Variants in NSA2 observed in about 807,000 individuals in gnomAD.
NSA2 encodes the protein NSA2 ribosome biogenesis factor, also known as ribosome biogenesis protein NSA2 homolog.
NSA2 carries 18 observed loss-of-function variants against 34.8 expected under a neutral mutation model. That is an observed-to-expected ratio of 0.52 (90% CI 0.36 to 0.77). NSA2 has a LOEUF of 0.77. NSA2 is among the 30% of genes least tolerant of loss of function. The pLI is 0.00. For missense variants in NSA2, 188 were observed against 314.7 expected (o/e 0.60, Z 3.05); for synonymous variants, 79 against 100.2 (o/e 0.79, Z 1.26).
At position 74,779,577 on chromosome 5, in the gene NSA2, T is replaced by C. The variant is rs1745307035; in HGVS notation, c.*2906T>C. ...TGACAGAAGTTTCTCATAAAATGTA[T>C]AAAACAGCATAAATGTTTGGTAGAT... On this transcript the variant is annotated 3_prime_UTR_variant, in exon 6 of 6. Transcript: ENST00000610426. The C allele has an allele frequency of 6.6e-6, 1 of 151,878 alleles. No individual in the cohort carries two copies. Among genetic ancestry groups the C allele is most frequent in the African/African-American group, 2.4e-5 (1 of 41,386 alleles). The allele number at this position is 151,878 out of a possible 1,614,324, so 9.4% of individuals were successfully genotyped here. A position where few individuals can be genotyped will look rare whatever the true frequency, so the allele number is the denominator to read the frequency against.
Position 74,778,158 on chromosome 5 carries a change from G to T in NSA2, c.*1487G>T, listed in dbSNP as rs1745216217. ...AAAATACTATCTTGTAAGGTACAAAGAAAGCTTGATATTAAGTATGAAAAC... is the reference window on the plus strand; with the variant it reads ...AAAATACTATCTTGTAAGGTACAAATAAAGCTTGATATTAAGTATGAAAAC... On this transcript the variant is annotated 3_prime_UTR_variant, in exon 6 of 6. Coordinates refer to ENST00000610426, the MANE Select transcript of NSA2 (RefSeq NM_014886.6). 6.6e-6 allele frequency: 1 copy of T among 151,936 alleles called. No individual in the cohort carries two copies. Among genetic ancestry groups the T allele is most frequent in the Admixed American group, 6.6e-5 (1 of 15,248 alleles). The allele number at this position is 151,936 out of a possible 1,614,324, so 9.4% of individuals were successfully genotyped here. A position where few individuals can be genotyped will look rare whatever the true frequency, so the allele number is the denominator to read the frequency against.
chr5:74,772,347 C>T (rs1442106243), intron 4 of NSA2, among the ~76,000 whole-genome samples: 3 of 152,008 alleles, frequency 2.0e-5, no homozygotes, highest in African/African-American at 7.3e-5. Flanking sequence ...AGGATGGTCT[C>T]GATCTCCGTG....
rs2112429934 is a variant in NSA2 at position 74,776,872 on chromosome 5, G to GAT, written c.*202_*203dup. The GAT allele has an allele frequency of 2.5e-6, 1 of 405,276 alleles. No homozygotes were observed. Among genetic ancestry groups the GAT allele is most frequent in the East Asian group, 3.9e-5 (1 of 25,410 alleles). 25.1% of individuals were successfully genotyped at this position (405,276 alleles called of 1,614,324 possible). A position where few individuals can be genotyped will look rare whatever the true frequency, so the allele number is the denominator to read the frequency against. On this transcript the variant is annotated 3_prime_UTR_variant, in exon 6 of 6. Coordinates refer to ENST00000610426, the MANE Select transcript of NSA2 (RefSeq NM_014886.6). ...TGACCCCATGTTCATAAAACTGAAT[G>GAT]ATTGAAAAAAAGCAAATATACAAAT... is the stretch of plus-strand genomic sequence containing the variant.
chr5:74,768,806 C>A, intron 1 of NSA2, 125 bp from the exon 2 acceptor site: 1 of 725,304 alleles, frequency 1.4e-6, no homozygotes, highest in Non-Finnish European at 2.2e-6. Context: ...CTTAATGGTG[C>A]AAGAATCATT....
chr5:74,768,265 A>G (rs1228206707), intron 1 of NSA2, among the ~76,000 whole-genome samples: 1 of 152,232 alleles, frequency 6.6e-6, no homozygotes, highest in African/African-American at 2.4e-5. Context: ...TATCCATACA[A>G]TAGCATACTA....
intron 4 of NSA2, 124 bp from the exon 5 acceptor site, chr5:74,773,744 T>G (rs1044173201): frequency 3.2e-5 from 22 of 697,192 alleles, no homozygotes; most frequent in Admixed American, 5.8e-5. Context: ...TTAGCTTCTT[T>G]AAGATGACAT....
intron 4 of NSA2, among the ~76,000 whole-genome samples, chr5:74,772,296 T>C (rs1167017606): frequency 6.6e-6 from 1 of 152,036 alleles, no homozygotes; most frequent in Non-Finnish European, 1.5e-5. Flanking sequence ...GGCTAATTTT[T>C]TTGTATTTTT....
intron 5 of NSA2, among the ~76,000 whole-genome samples, chr5:74,774,265 G>A (rs1745038946): frequency 6.6e-6 from 1 of 152,092 alleles, no homozygotes; most frequent in Non-Finnish European, 1.5e-5. Context: ...TAGCTTACTG[G>A]TTTTAGTTAC....
In NSA2 at chr5:74,770,565, C is replaced by T. The variant is rs1024548618; in HGVS notation, c.343-66C>T. 11 of 1,268,542 alleles carry T rather than the reference C, an allele frequency of 8.7e-6. No individual in the cohort carries two copies. In the South Asian group the frequency reaches 1.6e-4, roughly 19 times the overall value. 78.6% of individuals were successfully genotyped at this position (1,268,542 alleles called of 1,614,324 possible). Reference sequence around the variant, plus strand: ...GATCTATTACTTTGTACAACTAAAACATATTTGACTTATTCTCATTGTCCT... The same window carrying T: ...GATCTATTACTTTGTACAACTAAAATATATTTGACTTATTCTCATTGTCCT... On this transcript the variant is annotated intron_variant, in intron 3 of 5. Coordinates refer to ENST00000610426, the MANE Select transcript of NSA2 (RefSeq NM_014886.6).
chr5:74,767,441 AG>A, intron 1 of NSA2, 78 bp downstream of exon 1: 2 of 1,567,244 alleles, frequency 1.3e-6, no homozygotes, highest in Non-Finnish European at 8.7e-7. Flanking sequence ...GCGCTGGGGT[AG>A]GGGGTGAGCG....
At position 74,775,061 on chromosome 5, in the gene NSA2, C is replaced by T. The variant is rs374416570; in HGVS notation, c.715+1001C>T. Among the ~76,000 whole-genome samples, 8 of 151,868 alleles carry T rather than the reference C, an allele frequency of 5.3e-5. No individual in the cohort carries two copies. The East Asian group carries it at 1.4e-3, about 26-fold the overall frequency. ...TGAAACCCCATCTCTACTAAAAATACACAAATTAGCCAGGTGTTGTGGCCC... is the reference window on the plus strand; with the variant it reads ...TGAAACCCCATCTCTACTAAAAATATACAAATTAGCCAGGTGTTGTGGCCC... On this transcript the variant is annotated intron_variant, in intron 5 of 5. Transcript: ENST00000610426.
intron 1 of NSA2, among the ~76,000 whole-genome samples, 185 bp downstream of exon 1, chr5:74,767,548 A>T (rs1375772900): frequency 2.0e-5 from 3 of 152,140 alleles, no homozygotes; most frequent in Non-Finnish European, 4.4e-5. Context: ...CGAGACACAG[A>T]CGGTATTTGC....
Position 74,776,514 on chromosome 5 carries a change from G to GAA in NSA2, c.716-83_716-82dup, listed in dbSNP as rs58655773. 110 of 730,544 alleles carry GAA rather than the reference G, an allele frequency of 1.5e-4. 1 individual carries two copies. Among genetic ancestry groups the GAA allele is most frequent in the South Asian group, 6.7e-4 (43 of 63,914 alleles). The allele number at this position is 730,544 out of a possible 1,614,324, so 45.3% of individuals were successfully genotyped here. On this transcript the variant is annotated intron_variant, in intron 5 of 5. Transcript: ENST00000610426. ...GTGAAACCCTGTATTAAGACAAAAA[G>GAA]AAAAAAAAGGCAAAAGTTATATTCT... is the stretch of plus-strand genomic sequence containing the variant.
intron 5 of NSA2, among the ~76,000 whole-genome samples, chr5:74,776,243 T>TAATC (rs928783362): frequency 3.3e-5 from 5 of 152,330 alleles, no homozygotes; most frequent in African/African-American, 9.6e-5. Flanking sequence ...CTCACACCTA[T>TAATC]AATCACAGCA....
Position 74,775,000 on chromosome 5 carries a change from G to A in NSA2, c.715+940G>A, listed in dbSNP as rs562469771. On this transcript the variant is annotated intron_variant, in intron 5 of 5. Transcript: ENST00000610426. ...GGAGGCTGAGGCGGACAGATCATCTGCAGTCAGGAGTTCAAGACCAGCCTG... is the reference window on the plus strand; with the variant it reads ...GGAGGCTGAGGCGGACAGATCATCTACAGTCAGGAGTTCAAGACCAGCCTG... Among the ~76,000 whole-genome samples the A allele has an allele frequency of 7.6e-4, 116 of 152,162 alleles. 2 individuals carry two copies. Among genetic ancestry groups the A allele is most frequent in the Non-Finnish European group, 1.4e-3 (94 of 68,016 alleles).
At chr5:74,772,492 C>G (rs1744976600) in intron 4 of NSA2, among the ~76,000 whole-genome samples, 2 of 152,160 alleles carry the variant, frequency 1.3e-5, no homozygotes, top group South Asian at 4.1e-4. Flanking sequence ...TAATGGAACA[C>G]AGTCATGCCT....
At chr5:74,771,294 A>G (rs1744918438) in intron 4 of NSA2, among the ~76,000 whole-genome samples, 1 of 152,020 alleles carries the variant, frequency 6.6e-6, no homozygotes, top group Admixed American at 6.6e-5. Context: ...AAAAAAAAAA[A>G]TCTTTTCAGC....
intron 5 of NSA2, 106 bp from the exon 6 acceptor site, chr5:74,776,498 T>C (rs1745127971): frequency 7.5e-6 from 5 of 662,510 alleles, no homozygotes; most frequent in Admixed American, 2.3e-5. Context: ...AGTGAAACCC[T>C]GTATTAAGAC....
At chr5:74,773,254 T>C (rs916357424) in intron 4 of NSA2, among the ~76,000 whole-genome samples, 3 of 151,970 alleles carry the variant, frequency 2.0e-5, no homozygotes, top group Admixed American at 1.3e-4. Context: ...GCCTGGTATA[T>C]ATAAAGTCCT....
Sources: allele counts gnomAD v4.1 joint callset (sites outside exome capture counted in the v4.1 genomes callset), GRCh38; gene constraint gnomAD v4.1.1; transcripts MANE v1.5; gene names NCBI Gene and HGNC (gene_info 2026-07-23, HGNC 2026-07-21).